Variants in GPD2 observed in about 807,000 individuals in gnomAD.
GPD2 encodes the protein glycerol-3-phosphate dehydrogenase, mitochondrial.
A neutral mutation model predicts 82.4 loss-of-function variants in GPD2; 54 were observed. The observed-to-expected ratio is 0.66, with a 90% CI of 0.53 to 0.82. The LOEUF (loss-of-function observed/expected upper bound fraction) is 0.82, where lower values mean the gene tolerates loss of function less well. GPD2 is among the 40% of genes least tolerant of loss of function. GPD2 has a pLI of 0.00. For synonymous variants in GPD2, 288 were observed against 306.1 expected (o/e 0.94, Z 0.62); for missense variants, 748 against 896.2 (o/e 0.83, Z 2.11).
the GPD2 span, among the ~76,000 whole-genome samples, chr2:156,408,426 T>A: frequency 5.8e-4 from 88 of 152,130 alleles, no homozygotes; most frequent in African/African-American, 2.0e-3. Flanking sequence ...TGGGAACTGG[T>A]TAGAAATGCT....
intron 3 of GPD2, among the ~76,000 whole-genome samples, chr2:156,500,634 G>T (rs1684555195): frequency 6.6e-6 from 1 of 152,084 alleles, no homozygotes; most frequent in South Asian, 2.1e-4. Context: ...GTTTTGGGGG[G>T]AACCACTAGA....
At chr2:156,559,810 C>T (rs1473970841) in intron 9 of GPD2, among the ~76,000 whole-genome samples, 3 of 152,114 alleles carry the variant, frequency 2.0e-5, no homozygotes, top group Non-Finnish European at 2.9e-5. Flanking sequence ...AATAGTTTGA[C>T]TTGTTTAACA....
At chr2:156,400,980 A>G in the GPD2 span, among the ~76,000 whole-genome samples, 1 of 152,254 alleles carries the variant, frequency 6.6e-6, no homozygotes, top group South Asian at 2.1e-4. Flanking sequence ...AAAATCAGCG[A>G]AGCTCAGGGA....
intron 8 of GPD2, among the ~76,000 whole-genome samples, chr2:156,556,374 T>C (rs1344247390): frequency 2.0e-5 from 3 of 152,334 alleles, no homozygotes; most frequent in Middle Eastern, 3.4e-3. Context: ...AGTGTTCTAC[T>C]TGAATAGGAC....
At position 156,509,815 on chromosome 2, in the gene GPD2, C is replaced by A. The variant is rs555809561; in HGVS notation, c.275-981C>A. 2.2e-5 allele frequency among the ~76,000 whole-genome samples: 3 copies of A among 136,398 alleles called. No individual in the cohort carries two copies. The South Asian group carries it at 6.9e-4, about 31-fold the overall frequency. 89.5% of individuals were successfully genotyped at this position (136,398 alleles called of 152,430 possible). On this transcript the variant is annotated intron_variant, in intron 3 of 16. Coordinates refer to ENST00000438166, the MANE Select transcript of GPD2 (RefSeq NM_000408.5). Reference sequence around the variant, plus strand: ...CTGAGATGGAGTCTCACCCTGTCACCCAGGCTGGAGTGCAGTGGCATGATC... The same window carrying A: ...CTGAGATGGAGTCTCACCCTGTCACACAGGCTGGAGTGCAGTGGCATGATC...
intron 2 of GPD2, 59 bp downstream of exon 2, chr2:156,476,266 C>A: frequency 1.1e-6 from 1 of 915,624 alleles, no homozygotes; most frequent in Non-Finnish European, 1.8e-6. Context: ...AAAGAGCTGT[C>A]TATGGGGAAT....
At chr2:156,450,216 T>C (rs535734586) in intron 1 of GPD2, among the ~76,000 whole-genome samples, 18 of 152,224 alleles carry the variant, frequency 1.2e-4, no homozygotes, top group Non-Finnish European at 2.2e-4. Context: ...TATAAAGTGT[T>C]CTGCTTTGGC....
At chr2:156,469,149 T>G (rs1683241200) in intron 1 of GPD2, among the ~76,000 whole-genome samples, 1 of 152,212 alleles carries the variant, frequency 6.6e-6, no homozygotes, top group Non-Finnish European at 1.5e-5. Context: ...TTGTTGCAAA[T>G]GAAATGATCT....
chr2:156,422,668 C>A, the GPD2 span, among the ~76,000 whole-genome samples: 1 of 151,412 alleles, frequency 6.6e-6, no homozygotes, highest in Admixed American at 6.6e-5. Context: ...GGAGGCGGAC[C>A]TTGCAGTGAG....
At chr2:156,450,403 G>A (rs959635511) in intron 1 of GPD2, among the ~76,000 whole-genome samples, 1 of 152,176 alleles carries the variant, frequency 6.6e-6, no homozygotes, top group Non-Finnish European at 1.5e-5. Flanking sequence ...AGAGAAGCAG[G>A]CCATTGAGCA....
intron 13 of GPD2, among the ~76,000 whole-genome samples, chr2:156,578,104 A>G (rs1687891048): frequency 6.6e-6 from 1 of 152,208 alleles, no homozygotes; most frequent in Non-Finnish European, 1.5e-5. Context: ...AGAAGTTTTT[A>G]GATGGGAAAA....
At chr2:156,455,793 T>G (rs1436115971) in intron 1 of GPD2, among the ~76,000 whole-genome samples, 1 of 152,232 alleles carries the variant, frequency 6.6e-6, no homozygotes, top group Non-Finnish European at 1.5e-5. Flanking sequence ...AAGCCATTAG[T>G]TTTTTAAAGG....
intron 3 of GPD2, among the ~76,000 whole-genome samples, chr2:156,496,826 T>G (rs1684400691): frequency 6.6e-6 from 1 of 150,886 alleles, no homozygotes; most frequent in Admixed American, 6.7e-5. Flanking sequence ...AGTAATTTAT[T>G]AAAATAATTA....
chr2:156,400,800 T>C, the GPD2 span, among the ~76,000 whole-genome samples: 1 of 152,222 alleles, frequency 6.6e-6, no homozygotes, highest in Non-Finnish European at 1.5e-5. Flanking sequence ...AGCGCGCGCT[T>C]CGCATGTGTG....
the GPD2 span, among the ~76,000 whole-genome samples, chr2:156,423,880 G>A: frequency 1.4e-4 from 22 of 152,276 alleles, no homozygotes; most frequent in East Asian, 4.1e-3. Context: ...GCCAGTAAGT[G>A]TAAAAACTCA....
In GPD2 at chr2:156,476,101, A is replaced by G. The variant is rs1683501046; in HGVS notation, c.-5A>G. ...TGTTTCTTATTTTTCTTTGTAGGCT[A>G]AGAAATGGCATTTCAAAAGGCAGTG... On this transcript the variant is annotated 5_prime_UTR_variant, in exon 2 of 17. Transcript: ENST00000438166. 6.5e-7 allele frequency: 1 copy of G among 1,548,566 alleles called. No individual in the cohort carries two copies. The highest frequency in any genetic ancestry group is 1.4e-5 in the African/African-American group (1 of 73,728).
At position 156,474,648 on chromosome 2, in the gene GPD2, A is replaced by T. The variant is rs79899653; in HGVS notation, c.-8-1450A>T. Among the ~76,000 whole-genome samples, 47 of 152,300 alleles carry T rather than the reference A, an allele frequency of 3.1e-4. 1 individual carries two copies. The East Asian group carries it at 9.1e-3, about 29-fold the overall frequency. ...TACGTTTAACAGTAAAAGCGGACAA[A>T]AGGATTTTTGATGGAATTTTCATTT... On this transcript the variant is annotated intron_variant, in intron 1 of 16. Coordinates refer to ENST00000438166, the MANE Select transcript of GPD2 (RefSeq NM_000408.5).
intron 6 of GPD2, among the ~76,000 whole-genome samples, chr2:156,537,636 C>T (rs1459999369): frequency 1.3e-5 from 2 of 152,096 alleles, no homozygotes; most frequent in African/African-American, 2.4e-5. Flanking sequence ...TTATTTTTCA[C>T]ATTTGAGTCT....
upstream of GPD2, among the ~76,000 whole-genome samples, chr2:156,432,177 C>G (rs551534822): frequency 2.0e-5 from 3 of 152,152 alleles, no homozygotes; most frequent in Non-Finnish European, 1.5e-5. Flanking sequence ...CATGAGCCAA[C>G]GTGCCCGGCC....
Sources: allele counts gnomAD v4.1 joint callset (sites outside exome capture counted in the v4.1 genomes callset), GRCh38; gene constraint gnomAD v4.1.1; transcripts MANE v1.5; gene names NCBI Gene and HGNC (gene_info 2026-07-23, HGNC 2026-07-21).